The following LGR5 variants were observed in gnomAD, a reference collection of about 807,000 sequenced individuals.
LGR5 encodes the protein leucine-rich repeat-containing G protein-coupled receptor 5.
In LGR5, 54 loss-of-function variants were observed where a neutral mutation model predicts 76.7. That is an observed-to-expected ratio of 0.70 (90% CI 0.57 to 0.88). The LOEUF is 0.88. Ranked by LOEUF, LGR5 falls within the 40% of genes least tolerant of loss-of-function variation. The probability of loss-of-function intolerance (pLI) is 0.00; values close to 1 mark genes in which losing one functional copy is unlikely to be tolerated. For missense variants in LGR5, 1,078 were observed against 1,073.3 expected (o/e 1.00, Z -0.06); for synonymous variants, 406 against 421.9 (o/e 0.96, Z 0.46).
At chr12:71,522,342 T>G (rs1166166270) in intron 2 of LGR5, among the ~76,000 whole-genome samples, 1 of 152,152 alleles carries the variant, frequency 6.6e-6, no homozygotes, top group East Asian at 1.9e-4. Flanking sequence ...TCAGAGTTAG[T>G]GTCTAAAGAG....
In LGR5 at chr12:71,440,759, A is replaced by C. The variant is rs954342117; in HGVS notation, c.212+467A>C. 6.6e-6 allele frequency among the ~76,000 whole-genome samples: 1 copy of C among 152,088 alleles called. No individual in the cohort carries two copies. Among genetic ancestry groups the C allele is most frequent in the Non-Finnish European group, 1.5e-5 (1 of 68,016 alleles). On this transcript the variant is annotated intron_variant, in intron 1 of 17. Coordinates refer to ENST00000266674, the MANE Select transcript of LGR5 (RefSeq NM_003667.4). This position sits in a 1 kb window ranked among gnomAD's most constrained non-coding sequence, Gnocchi z 5.3. ...AGGAGAAACAACTTGCCCAGCTCCA[A>C]AGGGTTTTTAGTCTGCATCCCTTGC...
chr12:71,526,408 C>A (rs1245561427), intron 3 of LGR5, among the ~76,000 whole-genome samples: 1 of 151,598 alleles, frequency 6.6e-6, no homozygotes, highest in East Asian at 1.9e-4. Flanking sequence ...ATTTCTCATG[C>A]TAACTATTAA....
chr12:71,487,637 T>G (rs1375836835), intron 1 of LGR5, among the ~76,000 whole-genome samples: 1 of 152,184 alleles, frequency 6.6e-6, no homozygotes, highest in African/African-American at 2.4e-5. Flanking sequence ...CATCTCTAAC[T>G]CCTGGCCTCA....
intron 7 of LGR5, 29 bp from the exon 8 acceptor site, chr12:71,561,752 A>AT (rs777990954): frequency 1.4e-6 from 2 of 1,427,912 alleles, no homozygotes; most frequent in Non-Finnish European, 1.9e-6. Flanking sequence ...CCCACACAGG[A>AT]TTTTTTATAA....
At chr12:71,477,009 A>C (rs1285088979) in intron 1 of LGR5, among the ~76,000 whole-genome samples, 1 of 152,190 alleles carries the variant, frequency 6.6e-6, no homozygotes, top group East Asian at 1.9e-4. Context: ...ACAGGAAAGA[A>C]ATTATAGTAG....
At chr12:71,570,325 A>G (rs1878548559) in intron 11 of LGR5, among the ~76,000 whole-genome samples, 1 of 152,176 alleles carries the variant, frequency 6.6e-6, no homozygotes, top group African/African-American at 2.4e-5. Context: ...AAAATAAAAT[A>G]ATTTTTTTTA....
intron 4 of LGR5, among the ~76,000 whole-genome samples, chr12:71,536,715 A>T (rs955826290): frequency 6.6e-6 from 1 of 152,242 alleles, no homozygotes; most frequent in African/African-American, 2.4e-5. Flanking sequence ...TATCAGCTGA[A>T]AGAAGATCAC....
chr12:71,449,412 C>A (rs367720121), intron 1 of LGR5, among the ~76,000 whole-genome samples: 2 of 152,224 alleles, frequency 1.3e-5, no homozygotes, highest in East Asian at 3.9e-4. Flanking sequence ...AGTTCAAGAT[C>A]TTTTTTTATT....
At chr12:71,571,701 AC>A in intron 12 of LGR5, 122 bp downstream of exon 12, 2 of 692,636 alleles carry the variant, frequency 2.9e-6, no homozygotes, top group Non-Finnish European at 5.0e-6. Flanking sequence ...TTTCCTTCTT[AC>A]ACACACAAGG....
At chr12:71,483,875 A>T (rs1283246658) in intron 1 of LGR5, among the ~76,000 whole-genome samples, 2 of 152,168 alleles carry the variant, frequency 1.3e-5, no homozygotes, top group Admixed American at 1.3e-4. Flanking sequence ...ACTGATGGCC[A>T]TTTAGATGAG....
chr12:71,558,015 T>G, intron 6 of LGR5, among the ~76,000 whole-genome samples: 1 of 152,130 alleles, frequency 6.6e-6, no homozygotes, highest in East Asian at 1.9e-4. Context: ...AGGGACCCTG[T>G]GTTGGTGGTA....
intron 3 of LGR5, among the ~76,000 whole-genome samples, chr12:71,528,485 T>C (rs535270386): frequency 2.0e-5 from 3 of 151,884 alleles, no homozygotes; most frequent in Non-Finnish European, 4.4e-5. Flanking sequence ...TAAAATAAAA[T>C]AGTGTTAGTG....
chr12:71,496,297 G>C (rs1244783890), intron 1 of LGR5, among the ~76,000 whole-genome samples: 1 of 150,138 alleles, frequency 6.7e-6, no homozygotes, highest in East Asian at 2.0e-4. Flanking sequence ...CTTGAACCCA[G>C]GAGGTGGAGG....
Position 71,542,707 on chromosome 12 carries a change from C to T in LGR5, c.428+7521C>T, listed in dbSNP as rs575394916. On this transcript the variant is annotated intron_variant, in intron 4 of 17. Coordinates refer to ENST00000266674, the MANE Select transcript of LGR5 (RefSeq NM_003667.4). ...AGTTTCTGATTTATACAGCCATGTG[C>T]TTACTGAAGCCAGTCACTGGGCAAG... Among the ~76,000 whole-genome samples, 4 of 152,216 alleles carry T rather than the reference C, an allele frequency of 2.6e-5. No individual in the cohort carries two copies. The East Asian group carries it at 7.7e-4, about 29-fold the overall frequency.
At chr12:71,470,224 G>GA (rs775075767) in intron 1 of LGR5, among the ~76,000 whole-genome samples, 40 of 152,286 alleles carry the variant, frequency 2.6e-4, no homozygotes, top group Admixed American at 1.0e-3. Context: ...TCATCAATGA[G>GA]AAAGTCTTAG....
intron 1 of LGR5, among the ~76,000 whole-genome samples, chr12:71,447,863 G>A (rs934044457): frequency 6.6e-6 from 1 of 152,190 alleles, no homozygotes; most frequent in African/African-American, 2.4e-5. Context: ...TCCTGGCAAA[G>A]GGAGCCCAAC....
chr12:71,473,213 C>T (rs962478604), intron 1 of LGR5, among the ~76,000 whole-genome samples: 1 of 152,074 alleles, frequency 6.6e-6, no homozygotes, highest in African/African-American at 2.4e-5. Context: ...ATCTGGCACA[C>T]AGAAGATTCT....
intron 13 of LGR5, among the ~76,000 whole-genome samples, chr12:71,576,853 T>C (rs1245154399): frequency 6.6e-6 from 1 of 152,160 alleles, no homozygotes; most frequent in Admixed American, 6.5e-5. Context: ...CACGTATTTC[T>C]TGAGCAGCTC....
At chr12:71,553,752 T>C (rs1183863808) in intron 5 of LGR5, among the ~76,000 whole-genome samples, 6 of 152,204 alleles carry the variant, frequency 3.9e-5, no homozygotes, top group Non-Finnish European at 8.8e-5. Flanking sequence ...TTTTGCCCAC[T>C]GCCCAAATAG....
Sources: allele counts gnomAD v4.1 joint callset (sites outside exome capture counted in the v4.1 genomes callset), GRCh38; gene constraint gnomAD v4.1.1; non-coding constraint Gnocchi (gnomAD v3.1); transcripts MANE v1.5; gene names NCBI Gene and HGNC (gene_info 2026-07-23, HGNC 2026-07-21).